The following FAM98B variants were observed in gnomAD, a reference collection of about 807,000 sequenced individuals.
The protein encoded by FAM98B is tRNA-splicing ligase complex subunit FAM98B.
A neutral mutation model predicts 43.9 loss-of-function variants in FAM98B; 32 were observed. The ratio of observed to expected loss-of-function variants is 0.73; its 90% CI spans 0.55 to 0.98. The LOEUF is 0.98. Among genes scored for constraint, FAM98B ranks in the 50% least tolerant of loss-of-function variants. The pLI, the probability that FAM98B is intolerant of heterozygous loss-of-function variation, is 0.00. For synonymous variants in FAM98B, 190 were observed against 174.0 expected, an observed-to-expected ratio of 1.09 and a Z score of -0.72; for missense variants, 514 against 522.9, an observed-to-expected ratio of 0.98 and a Z score of 0.17.
intron 4 of FAM98B, among the ~76,000 whole-genome samples, chr15:38,473,137 G>T (rs897096338): frequency 7.2e-5 from 11 of 152,102 alleles, no homozygotes; most frequent in Non-Finnish European, 1.3e-4. Flanking sequence ...CAATGTGCTG[G>T]TTAAAGGTTT....
intron 1 of FAM98B, among the ~76,000 whole-genome samples, 179 bp downstream of exon 1, chr15:38,454,411 G>A (rs1028921304): frequency 6.6e-6 from 1 of 152,260 alleles, no homozygotes; most frequent in Non-Finnish European, 1.5e-5. Flanking sequence ...ATCTATTTGG[G>A]GGGTGGAGCA....
rs189839393 is a variant in FAM98B, at chr15:38,486,812, G to A, written c.*2153G>A. On this transcript the variant is annotated 3_prime_UTR_variant, in exon 8 of 8. Transcript: ENST00000397609. The stretch of plus-strand genomic sequence containing the variant: ...CTTTTGTAGAACAGTTTGCTGAGCA[G>A]TATCTGGAATAGCAGGAAGGAAATT... 6.6e-6 allele frequency: 1 copy of A among 152,212 alleles called. No individual in the cohort carries two copies. The highest frequency in any genetic ancestry group is 6.5e-5 in the Admixed American group (1 of 15,284). 9.4% of individuals were successfully genotyped at this position (152,212 alleles called of 1,614,324 possible).
chr15:38,474,369 T>A, intron 6 of FAM98B, 71 bp downstream of exon 6: 2 of 986,346 alleles, frequency 2.0e-6, no homozygotes, highest in Non-Finnish European at 3.1e-6. Context: ...GCTTGTCTGT[T>A]ATGTAACCAT....
chr15:38,457,221 A>C (rs371190443), intron 1 of FAM98B, among the ~76,000 whole-genome samples: 1 of 152,118 alleles, frequency 6.6e-6, no homozygotes. Flanking sequence ...TCTTGTTATG[A>C]TACCCGGGCT....
rs1218648151 is a variant in FAM98B at position 38,470,295 on chromosome 15, G to C, written c.421G>C (p.Asp141His). The change falls in exon 4 of 8, where the codon GAT becomes CAT. Residue 141 changes from aspartate to histidine, a missense_variant. Physicochemically the swap from Asp to His is moderately conservative, Grantham distance 81. This residue lies in a region of FAM98B where 469 missense variants were observed against 451.8 expected (regional missense o/e 1.04). Transcript: ENST00000397609. The part of the protein sequence containing the change: ...QNKKHKNSQL[D>H]KNSEVYQEVQ... ...CAAGAAACATAAAAATTCTCAATTA[G>C]ATAAAAATAGTGAAGTTTATCAGGA... is the stretch of plus-strand genomic sequence containing the variant. 1 of 1,596,812 alleles carries C rather than the reference G, an allele frequency of 6.3e-7. No individual in the cohort carries two copies. The highest frequency in any genetic ancestry group is 1.1e-5 in the South Asian group (1 of 88,002).
At chr15:38,459,531 T>C in intron 1 of FAM98B, 1 of 302,060 alleles carries the variant, frequency 3.3e-6, no homozygotes. Context: ...ATGATGGAAC[T>C]GTGCTCCATC....
intron 3 of FAM98B, 125 bp from the exon 4 acceptor site, chr15:38,470,102 T>C (rs1890100593): frequency 7.5e-6 from 6 of 802,840 alleles, no homozygotes; most frequent in Non-Finnish European, 1.1e-5. Context: ...CTGTTGTTCT[T>C]TGGGTCTTTG....
In FAM98B at chr15:38,471,146, A is replaced by C. The variant is rs994519757; in HGVS notation, c.531+741A>C. On this transcript the variant is annotated intron_variant, in intron 4 of 7. Transcript: ENST00000397609. ...TTGCCTAATCTTCAAGAATAAGTAC[A>C]TAACTCCATTTTTAGACACAGTGCC... is the stretch of plus-strand genomic sequence containing the variant. Among the ~76,000 whole-genome samples, 5 of 152,218 alleles carry C rather than the reference A, an allele frequency of 3.3e-5. No homozygotes were observed. The East Asian group carries it at 9.6e-4, about 29-fold the overall frequency.
chr15:38,479,068 A>G (rs995042487), intron 6 of FAM98B, among the ~76,000 whole-genome samples: 1 of 152,092 alleles, frequency 6.6e-6, no homozygotes, highest in African/African-American at 2.4e-5. Context: ...TGATCCTCCC[A>G]CTGTGGCCTT....
In FAM98B at chr15:38,459,952, C is replaced by G. The variant is rs190830548; in HGVS notation, c.72-4080C>G. ...TAGAGAGTTGGATGAGGGGCAAAGA[C>G]AATAGGTTGGGTAAATGATGGGAAA... On this transcript the variant is annotated intron_variant, in intron 1 of 7. Coordinates refer to ENST00000397609, the MANE Select transcript of FAM98B (RefSeq NM_173611.4). 3.0e-4 allele frequency among the ~76,000 whole-genome samples: 46 copies of G among 152,278 alleles called. 1 individual carries two copies. Among genetic ancestry groups the G allele is most frequent in the Admixed American group, 3.0e-3 (46 of 15,302 alleles).
intron 1 of FAM98B, among the ~76,000 whole-genome samples, chr15:38,461,449 T>C (rs569582281): frequency 2.0e-5 from 3 of 152,218 alleles, no homozygotes; most frequent in African/African-American, 7.2e-5. Flanking sequence ...AGCATTTGGG[T>C]TAAACGTGGA....
chr15:38,481,958 C>A, intron 7 of FAM98B: 1 of 195,798 alleles, frequency 5.1e-6, no homozygotes, highest in East Asian at 1.2e-4. Context: ...ATTTCTCTGA[C>A]AGTAGTCTAT....
chr15:38,468,215 G>A (rs1208908624), intron 3 of FAM98B, among the ~76,000 whole-genome samples: 1 of 152,102 alleles, frequency 6.6e-6, no homozygotes, highest in African/African-American at 2.4e-5. Context: ...TGAAAAACTG[G>A]CAATCTGTTT....
In FAM98B at chr15:38,474,314, CAT is replaced by C. The variant is rs1890166961; in HGVS notation, c.729+19_729+20del. 1 of 1,558,888 alleles carries C rather than the reference CAT, an allele frequency of 6.4e-7. No homozygotes were observed. The highest frequency in any genetic ancestry group is 1.4e-5 in the African/African-American group (1 of 73,824). ...TAGAGCAAAGGTAAGGCTGTTTTCC[CAT>C]ATGTGTCCTGTAGGTGGTAGCCTAT... On this transcript the variant is annotated intron_variant, in intron 6 of 7. Coordinates refer to ENST00000397609, the MANE Select transcript of FAM98B (RefSeq NM_173611.4).
Position 38,486,670 on chromosome 15 carries a change from ATG to A in FAM98B, c.*2013_*2014del, listed in dbSNP as rs1375082603. On this transcript the variant is annotated 3_prime_UTR_variant, in exon 8 of 8. Transcript: ENST00000397609. ...TCGTGTTGGAGCTGAAACCACTCCT[ATG>A]TACACATTCCTATAAACCTTAATTG... 1 of 152,182 alleles carries A rather than the reference ATG, an allele frequency of 6.6e-6. No homozygotes were observed. Among genetic ancestry groups the A allele is most frequent in the East Asian group, 1.9e-4 (1 of 5,206 alleles). The allele number at this position is 152,182 out of a possible 1,614,324, so 9.4% of individuals were successfully genotyped here.
chr15:38,460,479 G>A (rs1045977134), intron 1 of FAM98B, among the ~76,000 whole-genome samples: 6 of 152,006 alleles, frequency 3.9e-5, no homozygotes, highest in East Asian at 1.9e-4. Context: ...GACTAGCAGC[G>A]TCATCATCAC....
rs773231400 is a variant in FAM98B at position 38,481,546 on chromosome 15, G to A, written c.897+87G>A. On this transcript the variant is annotated intron_variant, in intron 7 of 7. Transcript: ENST00000397609. ...AGATTTTAGTCTATTTTTCTTTCATGTCCTGGTAAATGTTTAGAAAAAAGA... is the reference window on the plus strand; with the variant it reads ...AGATTTTAGTCTATTTTTCTTTCATATCCTGGTAAATGTTTAGAAAAAAGA... 9.9e-6 allele frequency: 16 copies of A among 1,613,650 alleles called. No individual in the cohort carries two copies. In the South Asian group the frequency reaches 1.4e-4, roughly 14 times the overall value.
At chr15:38,478,617 C>T (rs1890240505) in intron 6 of FAM98B, among the ~76,000 whole-genome samples, 2 of 152,180 alleles carry the variant, frequency 1.3e-5, no homozygotes, top group African/African-American at 4.8e-5. Context: ...CTAATTTTGC[C>T]TCTTTGACCC....
intron 7 of FAM98B, 148 bp from the exon 8 acceptor site, chr15:38,484,107 T>A: frequency 1.5e-6 from 1 of 659,594 alleles, no homozygotes. Flanking sequence ...CCACACTTAA[T>A]ATTTTTAATA....
Sources: gnomAD v4.1 joint callset for allele counts (sites outside exome capture counted in the v4.1 genomes callset) on GRCh38, gnomAD v4.1.1 for gene constraint, gnomAD v4.1.1 regional missense constraint, MANE v1.5 for transcripts, NCBI Gene and HGNC (gene_info 2026-07-23, HGNC 2026-07-21) for gene names.